Variants in RALGPS2 observed in about 807,000 individuals in gnomAD.
RALGPS2 encodes the protein Ral GEF with PH domain and SH3 binding motif 2, also known as ras-specific guanine nucleotide-releasing factor RalGPS2.
A neutral mutation model predicts 86.8 loss-of-function variants in RALGPS2; 43 were observed. That is an observed-to-expected ratio of 0.50 (90% CI 0.39 to 0.64). The LOEUF (loss-of-function observed/expected upper bound fraction) is 0.64, where lower values mean the gene tolerates loss of function less well. Ranked by LOEUF, RALGPS2 falls within the 30% of genes least tolerant of loss-of-function variation. The pLI, the probability that RALGPS2 is intolerant of heterozygous loss-of-function variation, is 0.00. For missense variants in RALGPS2, 536 were observed against 694.6 expected, an observed-to-expected ratio of 0.77 and a Z score of 2.57; for synonymous variants, 243 against 231.3, an observed-to-expected ratio of 1.05 and a Z score of -0.46.
intron 4 of RALGPS2, among the ~76,000 whole-genome samples, chr1:178,807,641 A>T (rs1654804042): frequency 6.6e-6 from 1 of 152,096 alleles, no homozygotes; most frequent in South Asian, 2.1e-4. Context: ...AGGTTTCTTC[A>T]AGTGTTTGGG....
At chr1:178,893,446 A>G (rs1020335975) in intron 15 of RALGPS2, among the ~76,000 whole-genome samples, 4 of 145,624 alleles carry the variant, frequency 2.7e-5, no homozygotes, top group African/African-American at 7.5e-5. Context: ...TAAATTAAGC[A>G]TGTTTTCTTT....
chr1:178,760,782 G>A (rs1209020337), intron 1 of RALGPS2, among the ~76,000 whole-genome samples: 1 of 152,078 alleles, frequency 6.6e-6, no homozygotes, highest in Non-Finnish European at 1.5e-5. Flanking sequence ...TGTTCATTTT[G>A]CATAGTGTCT....
chr1:178,755,017 C>T (rs898539213), intron 1 of RALGPS2, among the ~76,000 whole-genome samples: 14 of 152,324 alleles, frequency 9.2e-5, no homozygotes, highest in East Asian at 3.9e-4. Context: ...CCAGGCTGGT[C>T]TTGAACTCCT....
intron 1 of RALGPS2, among the ~76,000 whole-genome samples, chr1:178,731,464 G>T (rs192114731): frequency 6.6e-6 from 1 of 151,534 alleles, no homozygotes; most frequent in Non-Finnish European, 1.5e-5. Context: ...TGTATTTTTG[G>T]TAGAGATGGT....
intron 8 of RALGPS2, among the ~76,000 whole-genome samples, chr1:178,854,135 A>T (rs554036037): frequency 6.6e-6 from 1 of 152,030 alleles, no homozygotes; most frequent in East Asian, 1.9e-4. Flanking sequence ...TTATCCTTCT[A>T]TCATTGGACA....
At chr1:178,806,691 T>G (rs1654764955) in intron 4 of RALGPS2, among the ~76,000 whole-genome samples, 2 of 152,164 alleles carry the variant, frequency 1.3e-5, no homozygotes, top group South Asian at 4.1e-4. Flanking sequence ...CAATGTCTTT[T>G]TCTCATGTAT....
intron 6 of RALGPS2, 125 bp downstream of exon 6, chr1:178,811,529 G>C: frequency 1.5e-6 from 1 of 671,184 alleles, no homozygotes; most frequent in Non-Finnish European, 2.4e-6. Flanking sequence ...ATTGATATAA[G>C]TCAATTTTTA....
At chr1:178,778,785 A>G (rs529064832) in intron 2 of RALGPS2, among the ~76,000 whole-genome samples, 189 of 151,454 alleles carry the variant, frequency 1.2e-3, no homozygotes, top group Non-Finnish European at 2.4e-3. Context: ...TCAGTAAACT[A>G]TCGCAAGAAC....
At chr1:178,829,379 G>A (rs972373414) in intron 7 of RALGPS2, among the ~76,000 whole-genome samples, 2 of 152,184 alleles carry the variant, frequency 1.3e-5, no homozygotes, top group Non-Finnish European at 2.9e-5. Flanking sequence ...TGGGCAGCAG[G>A]CAAGTGAGCA....
chr1:178,893,897 G>A, intron 15 of RALGPS2, 22 bp from the exon 16 acceptor site: 8 of 1,496,820 alleles, frequency 5.3e-6, no homozygotes, highest in Non-Finnish European at 6.5e-6. Context: ...GCTCTTATGT[G>A]TTCTTTTCTT....
chr1:178,771,304 A>T (rs758256370), intron 1 of RALGPS2, among the ~76,000 whole-genome samples: 2 of 152,196 alleles, frequency 1.3e-5, no homozygotes, highest in Non-Finnish European at 2.9e-5. Context: ...TTTCCTTTAA[A>T]TTGTAATAGT....
chr1:178,780,492 T>C (rs187133577), intron 2 of RALGPS2, among the ~76,000 whole-genome samples: 37 of 152,314 alleles, frequency 2.4e-4, no homozygotes, highest in Admixed American at 1.5e-3. Flanking sequence ...TTCTCAAAAC[T>C]GTCTGTGGTT....
At position 178,905,299 on chromosome 1, in the gene RALGPS2, T is replaced by C. The variant is rs1660347557; in HGVS notation, c.1631-1477T>C. The stretch of plus-strand genomic sequence containing the variant: ...TTGGATTTAGTTAACAGATTCTTTG[T>C]TTTCTTCAGTTTCTCTTAGCATGCC... On this transcript the variant is annotated intron_variant, in intron 18 of 19. Transcript: ENST00000367635. 2.0e-5 allele frequency among the ~76,000 whole-genome samples: 3 copies of C among 152,192 alleles called. No individual in the cohort carries two copies. The South Asian group carries it at 6.2e-4, about 31-fold the overall frequency.
rs1660842808 is a variant in RALGPS2 at position 178,917,149 on chromosome 1, G to A, written c.*790G>A. The A allele has an allele frequency of 6.6e-6, 1 of 152,046 alleles. No homozygotes were observed. Among genetic ancestry groups the A allele is most frequent in the Admixed American group, 6.6e-5 (1 of 15,262 alleles). 9.4% of individuals were successfully genotyped at this position (152,046 alleles called of 1,614,324 possible). On this transcript the variant is annotated 3_prime_UTR_variant, in exon 20 of 20. Transcript: ENST00000367635. ...AGAAAACATGGTTGTTTCTAACTAG[G>A]GTTAAAGTTTAGCTTTCTATATGAA...
intron 1 of RALGPS2, chr1:178,746,645 C>T (rs1292105470): frequency 1.2e-5 from 9 of 763,626 alleles, no homozygotes; most frequent in Non-Finnish European, 1.7e-5. Flanking sequence ...TCAATGGTTC[C>T]AAATTTATAG....
Position 178,879,192 on chromosome 1 carries a change from C to G in RALGPS2, c.836+200C>G, listed in dbSNP as rs902420769. The G allele has an allele frequency of 1.0e-5, 6 of 578,534 alleles. No homozygotes were observed. The African/African-American group carries it at 1.2e-4, about 11-fold the overall frequency. 35.8% of individuals were successfully genotyped at this position (578,534 alleles called of 1,614,324 possible). Reference sequence around the variant, plus strand: ...CCAATATACAAATACCTCATCTGTTCTTTTTAATATTTTATCTCTGTTTGT... The same window carrying G: ...CCAATATACAAATACCTCATCTGTTGTTTTTAATATTTTATCTCTGTTTGT... On this transcript the variant is annotated intron_variant, in intron 10 of 19. Coordinates refer to ENST00000367635, the MANE Select transcript of RALGPS2 (RefSeq NM_152663.5).
intron 4 of RALGPS2, among the ~76,000 whole-genome samples, chr1:178,801,628 T>C (rs1654483757): frequency 6.6e-6 from 1 of 152,276 alleles, no homozygotes; most frequent in African/African-American, 2.4e-5. Flanking sequence ...ATCATTAATT[T>C]AATGGAAAAA....
chr1:178,832,325 T>C (rs1415554449), intron 7 of RALGPS2, among the ~76,000 whole-genome samples: 2 of 152,186 alleles, frequency 1.3e-5, no homozygotes, highest in African/African-American at 2.4e-5. Flanking sequence ...GAAGATAGTC[T>C]GCATCTTTGA....
intron 6 of RALGPS2, among the ~76,000 whole-genome samples, chr1:178,815,585 C>T (rs1408853165): frequency 1.3e-5 from 2 of 152,014 alleles, no homozygotes; most frequent in African/African-American, 2.4e-5. Flanking sequence ...ACAAAAATAC[C>T]GTTAACTAGG....
Sources: gnomAD v4.1 joint callset for allele counts (sites outside exome capture counted in the v4.1 genomes callset) on GRCh38, gnomAD v4.1.1 for gene constraint, MANE v1.5 for transcripts, NCBI Gene and HGNC (gene_info 2026-07-23, HGNC 2026-07-21) for gene names.